Variants in RPTOR observed in about 807,000 individuals in gnomAD.
The protein encoded by RPTOR is regulatory-associated protein of mTOR.
Under a neutral mutation model 169.9 loss-of-function variants are expected in RPTOR, and 21 were observed. That is an observed-to-expected ratio of 0.12 (90% CI 0.09 to 0.18). The LOEUF is 0.18. Ranked by LOEUF, RPTOR falls within the 10% of genes least tolerant of loss-of-function variation. The probability of loss-of-function intolerance (pLI) is 1.00; values close to 1 mark genes in which losing one functional copy is unlikely to be tolerated. For missense variants in RPTOR, 1,133 were observed against 1,855.9 expected (o/e 0.61, Z 7.16); for synonymous variants, 732 against 753.2 (o/e 0.97, Z 0.46).
intron 7 of RPTOR, chr17:80,805,129 G>T (rs2067205611): frequency 6.9e-6 from 1 of 144,824 alleles, no homozygotes; most frequent in Non-Finnish European, 1.5e-5. Flanking sequence ...GTGACTCTGG[G>T]ATTTCAGCAT....
At chr17:80,892,668 G>A in intron 18 of RPTOR, 61 bp from the exon 19 acceptor site, 1 of 1,579,848 alleles carries the variant, frequency 6.3e-7, no homozygotes, top group Non-Finnish European at 8.6e-7. Context: ...CTGAGTGTCA[G>A]AAGACACGCT....
At position 80,957,888 on chromosome 17, in the gene RPTOR, G is replaced by T. The variant is rs1381933825; in HGVS notation, c.3477+158G>T. 6.6e-6 allele frequency among the ~76,000 whole-genome samples: 1 copy of T among 152,180 alleles called. No individual in the cohort carries two copies. The highest frequency in any genetic ancestry group is 2.4e-5 in the African/African-American group (1 of 41,442). On this transcript the variant is annotated intron_variant, in intron 29 of 33. Coordinates refer to ENST00000306801, the MANE Select transcript of RPTOR (RefSeq NM_020761.3). This position sits in a 1 kb window ranked among gnomAD's most constrained non-coding sequence, Gnocchi z 4.6. ...CAGTGCCGGGACAATGCTGGGAGGA[G>T]ACGTGGGCTCCCTGAGGCCTCTGGA...
chr17:80,618,975 G>A (rs559869287), intron 1 of RPTOR, among the ~76,000 whole-genome samples: 29 of 152,132 alleles, frequency 1.9e-4, no homozygotes, highest in Non-Finnish European at 3.4e-4. Context: ...TTGGTTACCC[G>A]CCTCCCCTTC....
Position 80,633,194 on chromosome 17 carries a change from T to C in RPTOR, c.265+7401T>C, listed in dbSNP as rs1323587104. 6.6e-6 allele frequency among the ~76,000 whole-genome samples: 1 copy of C among 152,250 alleles called. No individual in the cohort carries two copies. The highest frequency in any genetic ancestry group is 6.5e-5 in the Admixed American group (1 of 15,290). ...TGAGAGAAGGCGGCTGACATGGTGC[T>C]TCAGCACCTCTGAATTCCTTAGTGT... On this transcript the variant is annotated intron_variant, in intron 2 of 33. Coordinates refer to ENST00000306801, the MANE Select transcript of RPTOR (RefSeq NM_020761.3). This position sits in a 1 kb window ranked among gnomAD's most constrained non-coding sequence, Gnocchi z 4.1.
At chr17:80,891,901 GC>G in intron 18 of RPTOR, 64 bp downstream of exon 18, 1 of 1,132,356 alleles carries the variant, frequency 8.8e-7, no homozygotes, top group Non-Finnish European at 1.3e-6. Context: ...GCAGGCCGCG[GC>G]CCAGTCTTGC....
At position 80,823,382 on chromosome 17, in the gene RPTOR, C is replaced by T. The variant is rs1451626406; in HGVS notation, c.1136+159C>T. 1.1e-6 allele frequency: 1 copy of T among 905,242 alleles called. No individual in the cohort carries two copies. The highest frequency in any genetic ancestry group is 2.9e-5 in the Admixed American group (1 of 34,000). The allele number at this position is 905,242 out of a possible 1,614,324, so 56.1% of individuals were successfully genotyped here. On this transcript the variant is annotated intron_variant, in intron 9 of 33. Coordinates refer to ENST00000306801, the MANE Select transcript of RPTOR (RefSeq NM_020761.3). The surrounding 1 kb of genome is among the most constrained non-coding windows in gnomAD (Gnocchi z 4.5). Reference sequence around the variant, plus strand: ...AGCTAAATGCAGGGCTCCCAGAGATCTCCACACAGAGGAGTGGGGGTCTCC... The same window carrying T: ...AGCTAAATGCAGGGCTCCCAGAGATTTCCACACAGAGGAGTGGGGGTCTCC...
chr17:80,949,560 G>A lies in RPTOR; in HGVS notation c.3370+13G>A, dbSNP rs778233658. ...CCAACGACGCGAGGTGGGTCCGCCCGGCTCCTCCCCAGAGCAGAATGTGTT... is the reference window on the plus strand; with the variant it reads ...CCAACGACGCGAGGTGGGTCCGCCCAGCTCCTCCCCAGAGCAGAATGTGTT... On this transcript the variant is annotated intron_variant, in intron 28 of 33. Transcript: ENST00000306801. 2.7e-5 allele frequency: 44 copies of A among 1,607,356 alleles called. No homozygotes were observed. The highest frequency in any genetic ancestry group is 2.0e-4 in the African/African-American group (15 of 74,802).
intron 3 of RPTOR, among the ~76,000 whole-genome samples, chr17:80,700,736 G>GTGACGGTGATGGTAGAGATGATAGTGA (rs1598236297): frequency 8.3e-5 from 4 of 48,176 alleles, no homozygotes; most frequent in African/African-American, 3.4e-4. Context: ...GGTGATGATG[G>GTGACGGTGATGGTAGAGATGATAGTGA]TGGTGGTGGT....
rs2067583698 is a variant in RPTOR at position 80,838,003 on chromosome 17, T to G, written c.1212+6T>G. ...AGGAAGGCACTGCGTTTCGGGTGAG[T>G]CCCTCCAAGGGCACCCTGTGCATCC... On this transcript the variant is annotated splice_donor_region_variant and intron_variant, in intron 10 of 33. Transcript: ENST00000306801. 4 of 1,605,270 alleles carry G rather than the reference T, an allele frequency of 2.5e-6. No homozygotes were observed. The highest frequency in any genetic ancestry group is 2.6e-6 in the Non-Finnish European group (3 of 1,175,604).
At chr17:80,866,003 G>C (rs1176529230) in intron 13 of RPTOR, among the ~76,000 whole-genome samples, 1 of 152,030 alleles carries the variant, frequency 6.6e-6, no homozygotes, top group Non-Finnish European at 1.5e-5. Context: ...CTTAGAAACA[G>C]AAACTTTTAG....
chr17:80,893,498 GGT>G (rs1210082042), intron 19 of RPTOR, among the ~76,000 whole-genome samples: 24 of 147,746 alleles, frequency 1.6e-4, no homozygotes, highest in African/African-American at 4.8e-4. Context: ...TGTGCGCCAG[GGT>G]GTGTGTGTAT....
chr17:80,754,300 T>G lies in RPTOR; in HGVS notation c.830+115T>G. The G allele has an allele frequency of 9.8e-7, 1 of 1,024,230 alleles. No homozygotes were observed. Among genetic ancestry groups the G allele is most frequent in the Non-Finnish European group, 1.4e-6 (1 of 704,464 alleles). 63.4% of individuals were successfully genotyped at this position (1,024,230 alleles called of 1,614,324 possible). A position where few individuals can be genotyped will look rare whatever the true frequency, so the allele number is the denominator to read the frequency against. On this transcript the variant is annotated intron_variant, in intron 6 of 33. Coordinates refer to ENST00000306801, the MANE Select transcript of RPTOR (RefSeq NM_020761.3). This position sits in a 1 kb window ranked among gnomAD's most constrained non-coding sequence, Gnocchi z 4.2. ...GTCCCAGGAGCCCACGTGACAGACA[T>G]GAGTGTCCCCGCCTTCTTTTTGTGT...
At chr17:80,604,150 T>G (rs2065211542) in intron 1 of RPTOR, among the ~76,000 whole-genome samples, 1 of 152,222 alleles carries the variant, frequency 6.6e-6, no homozygotes, top group South Asian at 2.1e-4. Flanking sequence ...TATTGACATG[T>G]ACATCACCAC....
intron 3 of RPTOR, among the ~76,000 whole-genome samples, chr17:80,702,923 A>G (rs2066113331): frequency 6.6e-6 from 1 of 152,194 alleles, no homozygotes; most frequent in Non-Finnish European, 1.5e-5. Flanking sequence ...TAGAATTGAG[A>G]AAAACTGCCG....
chr17:80,573,344 A>C (rs182457986), intron 1 of RPTOR, among the ~76,000 whole-genome samples: 1 of 152,196 alleles, frequency 6.6e-6, no homozygotes, highest in African/African-American at 2.4e-5. Flanking sequence ...CTATACATCA[A>C]TTTGGACAGA....
intron 24 of RPTOR, among the ~76,000 whole-genome samples, 184 bp downstream of exon 24, chr17:80,925,664 C>T (rs375073609): frequency 9.9e-5 from 15 of 152,228 alleles, no homozygotes; most frequent in African/African-American, 3.1e-4. Flanking sequence ...TGTCGCCAAA[C>T]GAAAAGAGAA....
At chr17:80,797,135 G>A (rs976572174) in intron 7 of RPTOR, among the ~76,000 whole-genome samples, 1 of 152,064 alleles carries the variant, frequency 6.6e-6, no homozygotes, top group Non-Finnish European at 1.5e-5. Flanking sequence ...TGTGTTTTTT[G>A]TTGTTGTTGT....
rs1193101977 is a variant in RPTOR, at chr17:80,711,766, T to A, written c.507+3767T>A. On this transcript the variant is annotated intron_variant, in intron 4 of 33. Transcript: ENST00000306801. ...AGTCTTTTTTTTTTTTTTTTGAGGT[T>A]AAGTCTCCCTCTGTCGCCAAGGCTG... Among the ~76,000 whole-genome samples, 3 of 102,534 alleles carry A rather than the reference T, an allele frequency of 2.9e-5. 1 individual carries two copies. Among genetic ancestry groups the A allele is most frequent in the African/African-American group, 8.5e-5 (3 of 35,158 alleles). The allele number at this position is 102,534 out of a possible 152,430, so 67.3% of individuals were successfully genotyped here. A position where few individuals can be genotyped will look rare whatever the true frequency, so the allele number is the denominator to read the frequency against.
chr17:80,841,945 T>C (rs1456114468), intron 10 of RPTOR, among the ~76,000 whole-genome samples: 1 of 142,946 alleles, frequency 7.0e-6, no homozygotes, highest in Non-Finnish European at 1.5e-5. Context: ...GCACGGCAGC[T>C]CACACTCACC....
Sources: gnomAD v4.1 joint callset for allele counts (sites outside exome capture counted in the v4.1 genomes callset) on GRCh38, gnomAD v4.1.1 for gene constraint, Gnocchi (gnomAD v3.1) non-coding constraint, MANE v1.5 for transcripts, NCBI Gene and HGNC (gene_info 2026-07-23, HGNC 2026-07-21) for gene names.